ZFYVE26: variants seen among roughly 807,000 people sequenced by gnomAD.
ZFYVE26 encodes the protein zinc finger FYVE domain-containing protein 26.
Under a neutral mutation model 276.5 loss-of-function variants are expected in ZFYVE26, and 181 were observed. The observed-to-expected ratio is 0.65, with a 90% confidence interval of 0.58 to 0.74. The LOEUF (loss-of-function observed/expected upper bound fraction) is 0.74, where lower values mean the gene tolerates loss of function less well. ZFYVE26 is among the 30% of genes least tolerant of loss of function. The pLI, the probability that ZFYVE26 is intolerant of heterozygous loss-of-function variation, is 0.00. For synonymous variants in ZFYVE26, 1,129 were observed against 1,203.1 expected (o/e 0.94, Z 1.27); for missense variants, 2,821 against 3,097.9 (o/e 0.91, Z 2.12).
At chr14:67,779,162 T>C (rs973754263) in intron 23 of ZFYVE26, among the ~76,000 whole-genome samples, 2 of 152,180 alleles carry the variant, frequency 1.3e-5, no homozygotes, top group African/African-American at 4.8e-5. Context: ...CACTCAGAAA[T>C]CTAATAAACA....
intron 18 of ZFYVE26, 137 bp from the exon 19 acceptor site, chr14:67,785,414 C>T (rs1045265738): frequency 5.0e-6 from 4 of 802,426 alleles, no homozygotes; most frequent in Non-Finnish European, 6.2e-6. Context: ...ACTACACTTA[C>T]AAGGCAAATA....
chr14:67,771,942 C>T (rs2039219808), intron 28 of ZFYVE26, 105 bp downstream of exon 28: 3 of 1,446,530 alleles, frequency 2.1e-6, no homozygotes, highest in Non-Finnish European at 1.9e-6. Context: ...TCTGAAAATA[C>T]CGATATTCTC....
intron 35 of ZFYVE26, among the ~76,000 whole-genome samples, chr14:67,757,082 C>G (rs1217074158): frequency 6.6e-6 from 1 of 152,198 alleles, no homozygotes; most frequent in East Asian, 1.9e-4. Context: ...ATCACCATTA[C>G]AGCACACAGA....
intron 2 of ZFYVE26, 73 bp downstream of exon 2, chr14:67,815,697 T>C: frequency 6.7e-7 from 1 of 1,483,050 alleles, no homozygotes; most frequent in Non-Finnish European, 9.4e-7. Context: ...TGGGGGCACA[T>C]TGACCAATGC....
chr14:67,753,644 T>G, intron 39 of ZFYVE26, 63 bp downstream of exon 39: 1 of 1,528,806 alleles, frequency 6.5e-7, no homozygotes, highest in Non-Finnish European at 9.0e-7. Context: ...AAGAATAATC[T>G]CTCCCGGAAC....
rs112087840 is a variant in ZFYVE26, at chr14:67,780,705, T to C, written c.4570-360A>G. On this transcript the variant is annotated intron_variant, in intron 22 of 41. Coordinates refer to ENST00000347230, the MANE Select transcript of ZFYVE26 (RefSeq NM_015346.4). ...CTTGAATGCTCTGTGGGATCACCTT[T>C]CATACAACATTTTAGCTCTGCATGA... Among the ~76,000 whole-genome samples, 137 of 152,322 alleles carry C rather than the reference T, an allele frequency of 9.0e-4. 1 individual carries two copies. Among genetic ancestry groups the C allele is most frequent in the African/African-American group, 3.2e-3 (131 of 41,572 alleles).
rs769672677 is a variant in ZFYVE26 at position 67,783,459 on chromosome 14, G to T, written c.3693C>A (p.Cys1231Ter). Residue 1231 changes from cysteine (C) to a stop codon, truncating the protein, a stop_gained, in exon 21 of 42, where the codon TGC becomes TGA. Transcript: ENST00000347230. LOFTEE classifies it high-confidence loss of function. ...LSVPQVIVSC[C>*]CEPLALCSSR... is the part of the protein sequence containing the mutation. ...ATGAGCAAAGAGCAAGGGGCTCACA[G>T]CAGCAGCTGACGATGACCTGTGGCA... is the stretch of plus-strand genomic sequence containing the variant. The T allele has an allele frequency of 1.2e-5, 19 of 1,613,976 alleles. No homozygotes were observed. Among genetic ancestry groups the T allele is most frequent in the Non-Finnish European group, 1.5e-5 (18 of 1,180,042 alleles).
At chr14:67,803,783 C>T (rs1429859514) in intron 9 of ZFYVE26, among the ~76,000 whole-genome samples, 2 of 152,144 alleles carry the variant, frequency 1.3e-5, no homozygotes, top group Non-Finnish European at 2.9e-5. Flanking sequence ...CACTGACTAA[C>T]AATGCTGTGT....
intron 12 of ZFYVE26, among the ~76,000 whole-genome samples, chr14:67,795,378 C>G (rs1428840477): frequency 6.6e-6 from 1 of 152,248 alleles, no homozygotes; most frequent in Non-Finnish European, 1.5e-5. Flanking sequence ...CCTACTCATT[C>G]TCTGGAGCTT....
At chr14:67,770,791 A>G (rs537925822) in intron 28 of ZFYVE26, among the ~76,000 whole-genome samples, 1 of 152,278 alleles carries the variant, frequency 6.6e-6, no homozygotes, top group South Asian at 2.1e-4. Flanking sequence ...AATCTACCCT[A>G]TATGTAAGTA....
chr14:67,729,759 G>C, exon 14 of ZFYVE26: 1 of 506,174 alleles, frequency 2.0e-6, no homozygotes, highest in Middle Eastern at 3.1e-4. Context: ...AAAGTGCTAG[G>C]GGAACGTCCT....
Position 67,814,062 on chromosome 14 carries a change from C to T in ZFYVE26, c.197G>A (p.Cys66Tyr), listed in dbSNP as rs2040352364. The T allele has an allele frequency of 6.2e-7, 1 of 1,612,930 alleles. No homozygotes were observed. Among genetic ancestry groups the T allele is most frequent in the Non-Finnish European group, 8.5e-7 (1 of 1,179,056 alleles). The change falls in exon 3 of 42, where the codon TGT becomes TAT. Residue 66 changes from cysteine (C) to tyrosine (Y), a missense_variant and splice_region_variant. Coordinates refer to ENST00000347230, the MANE Select transcript of ZFYVE26 (RefSeq NM_015346.4). ...ALVVCPNLLR[C>Y]GQDINPQRVA... ...TCTTTGAGGGTTGATGTCCTGCCCA[C>T]ATCTGAAAAAGGTAAAAAGAAAGAC...
At chr14:67,788,948 T>C (rs2039736483) in intron 16 of ZFYVE26, among the ~76,000 whole-genome samples, 1 of 152,198 alleles carries the variant, frequency 6.6e-6, no homozygotes, top group African/African-American at 2.4e-5. Context: ...CCTCAAGGTA[T>C]GATCATCCCT....
chr14:67,786,260 TGCAAAAAAAAAAAA>T, intron 16 of ZFYVE26, 27 bp from the exon 17 acceptor site: 1 of 451,162 alleles, frequency 2.2e-6, no homozygotes, highest in Admixed American at 9.4e-5. Flanking sequence ...GAAGAGGGAA[TGCAAAAAAAAAAAA>T]TTGAAGTGTT....
intron 3 of ZFYVE26, among the ~76,000 whole-genome samples, chr14:67,812,661 AAC>A (rs1237133211): frequency 6.6e-6 from 1 of 152,236 alleles, no homozygotes; most frequent in African/African-American, 2.4e-5. Context: ...GAAAAACAAG[AAC>A]GGGAAGTGGA....
At chr14:67,780,849 T>C (rs1227017375) in intron 22 of ZFYVE26, among the ~76,000 whole-genome samples, 1 of 152,254 alleles carries the variant, frequency 6.6e-6, no homozygotes, top group South Asian at 2.1e-4. Context: ...ATCTATTTTA[T>C]AGTTGTTATG....
intron 35 of ZFYVE26, 41 bp from the exon 36 acceptor site, chr14:67,756,186 G>C (rs1248911480): frequency 1.2e-6 from 2 of 1,604,422 alleles, no homozygotes; most frequent in East Asian, 4.5e-5. Flanking sequence ...TCTTGAGCCT[G>C]GTTCTGGCAC....
intron 12 of ZFYVE26, among the ~76,000 whole-genome samples, chr14:67,796,069 T>A (rs796756641): frequency 3.4e-4 from 52 of 152,108 alleles, no homozygotes; most frequent in African/African-American, 1.2e-3. Flanking sequence ...GAACTATAAA[T>A]AATAGGAGGG....
chr14:67,814,131 A>T, intron 2 of ZFYVE26, 67 bp from the exon 3 acceptor site: 1 of 1,296,256 alleles, frequency 7.7e-7, no homozygotes, highest in Non-Finnish European at 1.1e-6. Context: ...TTTGTCATCC[A>T]AGACAGATTT....
Sources: gnomAD v4.1 joint callset for allele counts (sites outside exome capture counted in the v4.1 genomes callset) on GRCh38, gnomAD v4.1.1 for gene constraint, MANE v1.5 for transcripts, NCBI Gene and HGNC (gene_info 2026-07-23, HGNC 2026-07-21) for gene names.